DHX34: variants seen among roughly 807,000 people sequenced by gnomAD.
DHX34 encodes the protein DExH-box helicase 34.
In DHX34, 96 loss-of-function variants were observed where a neutral mutation model predicts 111.1. That is an observed-to-expected ratio of 0.86 (90% CI 0.73 to 1.02). DHX34 has a LOEUF of 1.02. Ranked by LOEUF, DHX34 falls within the 50% of genes least tolerant of loss-of-function variation. The pLI is 0.00. For missense variants in DHX34, 1,560 were observed against 1,579.9 expected, an observed-to-expected ratio of 0.99 and a Z score of 0.21; for synonymous variants, 688 against 670.4, an observed-to-expected ratio of 1.03 and a Z score of -0.41.
intron 2 of DHX34, among the ~76,000 whole-genome samples, chr19:47,354,303 A>G (rs1431618897): frequency 6.6e-6 from 1 of 152,154 alleles, no homozygotes; most frequent in African/African-American, 2.4e-5. Context: ...GCAAACTGCC[A>G]TCTTGGAAGG....
chr19:47,381,673 ACACTGGGGTT>A, intron 16 of DHX34: 5 of 631,544 alleles, frequency 7.9e-6, no homozygotes, highest in Non-Finnish European at 1.3e-5. Context: ...GGGATGCCAC[ACACTGGGGTT>A]CAGTGGGGGA....
rs1186441589 is a variant in DHX34, at chr19:47,382,312, AAGC to A, written c.*206_*208del. 2.1e-6 allele frequency: 2 copies of A among 973,422 alleles called. No homozygotes were observed. The highest frequency in any genetic ancestry group is 2.9e-6 in the Non-Finnish European group (2 of 695,974). The allele number at this position is 973,422 out of a possible 1,614,324, so 60.3% of individuals were successfully genotyped here. ...TTAGGCCTGCACCTGCCCATCCAGA[AAGC>A]AGCAGCTGCCTTGTTAGTCCTCCCC... On this transcript the variant is annotated 3_prime_UTR_variant, in exon 17 of 17. Coordinates refer to ENST00000328771, the MANE Select transcript of DHX34 (RefSeq NM_014681.6).
At chr19:47,358,966 C>T (rs922479746) in intron 4 of DHX34, among the ~76,000 whole-genome samples, 2 of 151,856 alleles carry the variant, frequency 1.3e-5, no homozygotes, top group Non-Finnish European at 2.9e-5. Context: ...CACTGTGTTG[C>T]GCAGGCTGGT....
Position 47,375,455 on chromosome 19 carries a change from C to G in DHX34, c.2065-11C>G. The G allele has an allele frequency of 1.9e-6, 3 of 1,579,032 alleles. No individual in the cohort carries two copies. In the South Asian group the frequency reaches 3.4e-5, roughly 18 times the overall value. On this transcript the variant is annotated splice_polypyrimidine_tract_variant and intron_variant, in intron 9 of 16. Coordinates refer to ENST00000328771, the MANE Select transcript of DHX34 (RefSeq NM_014681.6). ...GCCCTGAGGCCCTCACCCCTACCCACCTGCCCCTAGGAGCTGTTGGAGGAC... is the reference window on the plus strand; with the variant it reads ...GCCCTGAGGCCCTCACCCCTACCCAGCTGCCCCTAGGAGCTGTTGGAGGAC...
At chr19:47,381,365 C>A (rs1970353279) in intron 16 of DHX34, 41 bp downstream of exon 16, 2 of 1,589,086 alleles carry the variant, frequency 1.3e-6, no homozygotes, top group Non-Finnish European at 1.7e-6. Flanking sequence ...CTCTGCCCAG[C>A]CGTCTGCCCA....
chr19:47,357,910 A>G lies in DHX34; in HGVS notation c.1062A>G (p.Ser354=). 1.2e-6 allele frequency: 2 copies of G among 1,613,974 alleles called. No individual in the cohort carries two copies. Among genetic ancestry groups the G allele is most frequent in the South Asian group, 1.1e-5 (1 of 91,086 alleles). Residue 354 remains serine (S), a synonymous_variant, in exon 4 of 17, where the codon TCA becomes TCG. Coordinates refer to ENST00000328771, the MANE Select transcript of DHX34 (RefSeq NM_014681.6). Reference sequence around the variant, plus strand: ...AGGCGGAGCCGACCACGTCCAAGTCAGAGAAGCTGGACCCGCGGCCTTTCC... The same window carrying G: ...AGGCGGAGCCGACCACGTCCAAGTCGGAGAAGCTGGACCCGCGGCCTTTCC... ...PQEAEPTTSK[S]EKLDPRPFLR...
Position 47,376,557 on chromosome 19 carries a change from C to T in DHX34, c.2596C>T (p.Arg866Ter), listed in dbSNP as rs923509356. Residue 866 changes from arginine to a stop codon, truncating the protein, a stop_gained, in exon 12 of 17, where the codon CGA becomes TGA. Transcript: ENST00000328771. LOFTEE classifies it high-confidence loss of function. ...ELEASNCDGS[R>*]DDKDKMSSKH... ...GGAGGCCAGCAACTGCGACGGAAGC[C>T]GAGGTACAGTGAGCCCAGGCGGAAG... The T allele has an allele frequency of 1.6e-5, 25 of 1,558,108 alleles. No individual in the cohort carries two copies. Among genetic ancestry groups the T allele is most frequent in the Admixed American group, 1.9e-5 (1 of 51,862 alleles).
At chr19:47,361,213 T>G (rs1243609128) in intron 5 of DHX34, among the ~76,000 whole-genome samples, 1 of 152,016 alleles carries the variant, frequency 6.6e-6, no homozygotes, top group Admixed American at 6.6e-5. Context: ...ATACCAGCAC[T>G]TTGGGAGGCC....
At chr19:47,381,519 C>T in intron 16 of DHX34, 195 bp downstream of exon 16, 1 of 731,196 alleles carries the variant, frequency 1.4e-6, no homozygotes, top group Non-Finnish European at 2.2e-6. Flanking sequence ...GGAGCGCCAC[C>T]TCTTTCTGTC....
At position 47,381,244 on chromosome 19, in the gene DHX34, G is replaced by A. The variant is rs753285632; in HGVS notation, c.3218G>A (p.Gly1073Asp). 4 of 1,613,982 alleles carry A rather than the reference G, an allele frequency of 2.5e-6. No homozygotes were observed. In the African/African-American group the frequency reaches 4.0e-5, roughly 16 times the overall value. ...LRTFWTCPHC[G>D]LHAPLTPLER... is the part of the protein sequence containing the mutation. Reference sequence around the variant, plus strand: ...ACCTTCTGGACCTGCCCCCACTGTGGCCTGCATGCGCCCCTCACGCCCCTG... The same window carrying A: ...ACCTTCTGGACCTGCCCCCACTGTGACCTGCATGCGCCCCTCACGCCCCTG... The change falls in exon 16 of 17, where the codon GGC becomes GAC. Residue 1073 changes from glycine (G) to aspartate (D), a missense_variant. Transcript: ENST00000328771.
chr19:47,360,771 A>C (rs1262060431), intron 5 of DHX34, among the ~76,000 whole-genome samples: 1 of 151,986 alleles, frequency 6.6e-6, no homozygotes, highest in African/African-American at 2.4e-5. Flanking sequence ...TCCCGGGTTC[A>C]AGTGATTCTC....
chr19:47,377,285 TG>T, intron 13 of DHX34, 79 bp downstream of exon 13: 1 of 1,477,938 alleles, frequency 6.8e-7, no homozygotes. Context: ...GGGCACCGCG[TG>T]GGCTTGGAGG....
At chr19:47,354,616 A>C (rs1395052527) in intron 2 of DHX34, among the ~76,000 whole-genome samples, 2 of 152,066 alleles carry the variant, frequency 1.3e-5, no homozygotes, top group East Asian at 3.9e-4. Context: ...CCAGAGTCTG[A>C]TGGGTAGGCA....
intron 5 of DHX34, among the ~76,000 whole-genome samples, chr19:47,360,564 C>T (rs1341081485): frequency 6.6e-6 from 1 of 152,106 alleles, no homozygotes; most frequent in Non-Finnish European, 1.5e-5. Flanking sequence ...TCAGGGCCCG[C>T]ATAAATGTCC....
In DHX34 at chr19:47,375,680, C is replaced by T. The variant is rs578058811; in HGVS notation, c.2279C>T (p.Pro760Leu). 8 of 1,557,786 alleles carry T rather than the reference C, an allele frequency of 5.1e-6. No individual in the cohort carries two copies. In the African/African-American group the frequency reaches 9.5e-5, roughly 18 times the overall value. The change falls in exon 10 of 17, where the codon CCA (proline) becomes CTA (leucine). Residue 760 changes from proline (P) to leucine (L), a missense_variant. By Grantham distance (98) the Pro-to-Leu change is moderately conservative (BLOSUM62 -3). Transcript: ENST00000328771. ...SDEDRAGPAPPGASDGVDIQD... is the reference protein window; with the variant it reads ...SDEDRAGPAPLGASDGVDIQD... The stretch of plus-strand genomic sequence containing the variant: ...GAGGACAGGGCTGGCCCAGCCCCCC[C>T]AGGGGCCAGTGATGGCGTGGACATC...
At chr19:47,373,426 T>A in intron 8 of DHX34, 173 bp from the exon 9 acceptor site, 2 of 967,274 alleles carry the variant, frequency 2.1e-6, no homozygotes, top group Non-Finnish European at 2.5e-6. Flanking sequence ...TAACCCAGTT[T>A]GTGGGTAGTC....
In DHX34 at chr19:47,380,939, C is replaced by A; in HGVS notation, c.3106C>A (p.Pro1036Thr). 6.2e-7 allele frequency: 1 copy of A among 1,607,542 alleles called. No individual in the cohort carries two copies. The highest frequency in any genetic ancestry group is 8.5e-7 in the Non-Finnish European group (1 of 1,176,954). The change falls in exon 15 of 17, where the codon CCC becomes ACC. Residue 1036 changes from proline to threonine, a missense_variant. By Grantham distance (38) the Pro-to-Thr change is conservative. Coordinates refer to ENST00000328771, the MANE Select transcript of DHX34 (RefSeq NM_014681.6). Reference sequence around the variant, plus strand: ...TGGCAGCTCCACCCTGTCCCCCCACCCCACAAAGGGGGGCTACGCAGTCAC... The same window carrying A: ...TGGCAGCTCCACCCTGTCCCCCCACACCACAAAGGGGGGCTACGCAGTCAC... The part of the protein sequence containing the change: ...LFGSSTLSPH[P>T]TKGGYAVTDF...
intron 7 of DHX34, among the ~76,000 whole-genome samples, chr19:47,369,155 G>C (rs1187523235): frequency 6.6e-6 from 1 of 152,204 alleles, no homozygotes; most frequent in Non-Finnish European, 1.5e-5. Flanking sequence ...TGGGATTGCA[G>C]ACTTGAGCCA....
intron 6 of DHX34, among the ~76,000 whole-genome samples, chr19:47,364,221 C>A (rs1969720739): frequency 6.6e-6 from 1 of 152,118 alleles, no homozygotes; most frequent in African/African-American, 2.4e-5. Flanking sequence ...ACTTGCCTTG[C>A]ACTCACCACT....
Sources: gnomAD v4.1 joint callset for allele counts (sites outside exome capture counted in the v4.1 genomes callset) on GRCh38, gnomAD v4.1.1 for gene constraint, MANE v1.5 for transcripts, NCBI Gene and HGNC (gene_info 2026-07-23, HGNC 2026-07-21) for gene names.